The following DET1 variants were observed in gnomAD, a reference collection of about 807,000 sequenced individuals.
DET1 encodes the protein DET1 homolog.
In DET1, 22 loss-of-function variants were observed where a neutral mutation model predicts 43.7. The observed-to-expected ratio is 0.50, with a 90% CI of 0.36 to 0.72. DET1 has a LOEUF of 0.72. Among genes scored for constraint, DET1 ranks in the 30% least tolerant of loss-of-function variants. The pLI is 0.00. For synonymous variants in DET1, 315 were observed against 266.2 expected (o/e 1.18, Z -1.79); for missense variants, 713 against 713.3 (o/e 1.00, Z 0.00).
At chr15:88,544,100 CA>C (rs1047223788) in intron 1 of DET1, among the ~76,000 whole-genome samples, 11 of 152,302 alleles carry the variant, frequency 7.2e-5, no homozygotes, top group Admixed American at 5.9e-4. Flanking sequence ...AATCATCCCT[CA>C]ATATGGGCTG....
chr15:88,545,734 C>T (rs2057235904), intron 1 of DET1, among the ~76,000 whole-genome samples: 1 of 151,104 alleles, frequency 6.6e-6, no homozygotes, highest in Non-Finnish European at 1.5e-5. Flanking sequence ...TAATGCCCAA[C>T]CTGGTTTTTA....
chr15:88,517,955 G>T (rs138909671), intron 3 of DET1, among the ~76,000 whole-genome samples: 1 of 151,802 alleles, frequency 6.6e-6, no homozygotes, highest in Non-Finnish European at 1.5e-5. Flanking sequence ...TTTATTTTTT[G>T]AGACAGGGTC....
At chr15:88,519,531 C>A (rs141796388) in intron 3 of DET1, among the ~76,000 whole-genome samples, 18 of 152,272 alleles carry the variant, frequency 1.2e-4, no homozygotes, top group African/African-American at 4.3e-4. Flanking sequence ...CTCTATTCAT[C>A]CCAACTTCAG....
At chr15:88,540,824 T>A (rs1224346767) in intron 1 of DET1, among the ~76,000 whole-genome samples, 1 of 134,740 alleles carries the variant, frequency 7.4e-6, no homozygotes, top group Non-Finnish European at 1.5e-5. Flanking sequence ...TAATCTCAAG[T>A]ACCCAGGGAC....
Position 88,516,878 on chromosome 15 carries a change from C to T in DET1, c.1367G>A (p.Ser456Asn). Residue 456 changes from serine (S) to asparagine (N), a missense_variant, in exon 4 of 5, where the codon AGC becomes AAC. Physicochemically the swap from Ser to Asn is conservative, Grantham distance 46. Transcript: ENST00000268148. This position sits in a 1 kb window ranked among gnomAD's most constrained non-coding sequence, Gnocchi z 4.4. ...GQLPISAQSY[S>N]GSPYLDLSLF... ...AGACAAATCCAGATAGGGGCTACCG[C>T]TGTAAGACTGAGCACTGATGGGGAG... 1 of 1,611,716 alleles carries T rather than the reference C, an allele frequency of 6.2e-7. No homozygotes were observed. The highest frequency in any genetic ancestry group is 1.1e-5 in the South Asian group (1 of 90,452).
At chr15:88,525,613 A>G (rs1010786648) in intron 3 of DET1, among the ~76,000 whole-genome samples, 4 of 152,080 alleles carry the variant, frequency 2.6e-5, no homozygotes, top group Admixed American at 2.6e-4. Flanking sequence ...GGAGCTTATC[A>G]TCTAGTGACT....
chr15:88,519,611 A>G lies in DET1; in HGVS notation c.1272-2638T>C, dbSNP rs79111763. Among the ~76,000 whole-genome samples, 26 of 152,146 alleles carry G rather than the reference A, an allele frequency of 1.7e-4. 1 individual carries two copies. The East Asian group carries it at 5.0e-3, about 29-fold the overall frequency. On this transcript the variant is annotated intron_variant, in intron 3 of 4. Transcript: ENST00000268148. ...AACTTCTTCCCATCCTACACTCATC[A>G]TATCCTCTCTTCCTTCCTTCCACAT...
downstream of DET1, among the ~76,000 whole-genome samples, chr15:88,508,968 A>T (rs2056170182): frequency 6.6e-6 from 1 of 152,204 alleles, no homozygotes; most frequent in Non-Finnish European, 1.5e-5. Flanking sequence ...AGCCACAAGG[A>T]GACAGGATCC....
chr15:88,543,276 G>C (rs966732172), intron 1 of DET1, among the ~76,000 whole-genome samples: 13 of 152,202 alleles, frequency 8.5e-5, no homozygotes, highest in African/African-American at 2.4e-4. Context: ...GTAGCAGCTA[G>C]AGCAAGCCTA....
chr15:88,506,615 G>C (rs1462536059), intron 7 of DET1, among the ~76,000 whole-genome samples: 2 of 152,214 alleles, frequency 1.3e-5, no homozygotes, highest in South Asian at 4.1e-4. Flanking sequence ...ATTAAGGAAA[G>C]TCCCTAAGGG....
chr15:88,513,086 C>A lies in DET1; in HGVS notation c.1518G>T (p.Leu506Phe), dbSNP rs779843792. 1 of 1,613,938 alleles carries A rather than the reference C, an allele frequency of 6.2e-7. No individual in the cohort carries two copies. Among genetic ancestry groups the A allele is most frequent in the Non-Finnish European group, 8.5e-7 (1 of 1,179,832 alleles). Residue 506 changes from leucine (L) to phenylalanine (F), a missense_variant, in exon 5 of 5, where the codon TTG (leucine) becomes TTT (phenylalanine). Coordinates refer to ENST00000268148, the MANE Select transcript of DET1 (RefSeq NM_001144074.3). ...GCACTGTGTGGTTGATGGGGCGGCC[C>A]AATAACCCCGCCTGGATCTCAAACT... ...LLKFEIQAGLLGRPINHTVRR... is the reference protein window; with the variant it reads ...LLKFEIQAGLFGRPINHTVRR...
chr15:88,542,964 G>A (rs890549423), intron 1 of DET1, among the ~76,000 whole-genome samples: 15 of 152,216 alleles, frequency 9.9e-5, no homozygotes, highest in African/African-American at 3.6e-4. Context: ...ACAGGGCCGT[G>A]AGATACTGTC....
At chr15:88,520,196 C>T (rs1279945195) in intron 3 of DET1, among the ~76,000 whole-genome samples, 1 of 152,004 alleles carries the variant, frequency 6.6e-6, no homozygotes. Flanking sequence ...GCCATTTTTT[C>T]CCTCTCATCT....
chr15:88,527,498 A>G (rs2056695924), intron 3 of DET1, 101 bp downstream of exon 3: 4 of 1,099,278 alleles, frequency 3.6e-6, no homozygotes, highest in Middle Eastern at 3.0e-4. Context: ...AACCAAAGCT[A>G]TGTGGACAGA....
At chr15:88,545,517 C>G (rs1015426334) in intron 1 of DET1, among the ~76,000 whole-genome samples, 3 of 152,192 alleles carry the variant, frequency 2.0e-5, no homozygotes, top group Non-Finnish European at 4.4e-5. Context: ...TCCACTGGAA[C>G]CCCTGGCTAA....
intron 4 of DET1, among the ~76,000 whole-genome samples, chr15:88,515,512 C>A (rs1181464552): frequency 1.7e-5 from 2 of 115,958 alleles, no homozygotes; most frequent in Non-Finnish European, 1.7e-5. Flanking sequence ...GCACTCGAGC[C>A]TGGGCAACAG....
At chr15:88,534,768 C>T (rs1390038979) in intron 1 of DET1, among the ~76,000 whole-genome samples, 1 of 152,190 alleles carries the variant, frequency 6.6e-6, no homozygotes, top group African/African-American at 2.4e-5. Context: ...GAACCATAGC[C>T]TAAAGAGAGT....
intron 1 of DET1, among the ~76,000 whole-genome samples, chr15:88,538,696 C>T (rs1021079833): frequency 5.9e-5 from 9 of 152,116 alleles, no homozygotes; most frequent in African/African-American, 1.7e-4. Flanking sequence ...GGTCTTGCTC[C>T]GGGCTCCCCC....
chr15:88,540,335 G>GT lies in DET1; in HGVS notation c.-11+6204dup, dbSNP rs746864401. ...AGCAATGTGGCAAGTGGTATTAGCT[G>GT]TTGTGATTTTTCTGTTCTTTCTGGT... On this transcript the variant is annotated intron_variant, in intron 1 of 4. Transcript: ENST00000268148. Among the ~76,000 whole-genome samples, 124 of 152,148 alleles carry GT rather than the reference G, an allele frequency of 8.1e-4. 1 individual carries two copies. Among genetic ancestry groups the GT allele is most frequent in the Non-Finnish European group, 4.9e-4 (33 of 67,996 alleles).
Sources: allele counts gnomAD v4.1 joint callset (sites outside exome capture counted in the v4.1 genomes callset), GRCh38; gene constraint gnomAD v4.1.1; non-coding constraint Gnocchi (gnomAD v3.1); transcripts MANE v1.5; gene names NCBI Gene and HGNC (gene_info 2026-07-23, HGNC 2026-07-21).